PCCA: variants seen among roughly 807,000 people sequenced by gnomAD.
The protein encoded by PCCA is propionyl-CoA carboxylase alpha chain, mitochondrial.
PCCA carries 74 observed loss-of-function variants against 101.3 expected under a neutral mutation model. The observed-to-expected ratio is 0.73, with a 90% CI of 0.61 to 0.89. The LOEUF is 0.89. Among genes scored for constraint, PCCA ranks in the 40% least tolerant of loss-of-function variants. PCCA has a pLI of 0.00. For synonymous variants in PCCA, 294 were observed against 313.6 expected (o/e 0.94, Z 0.66); for missense variants, 891 against 907.0 (o/e 0.98, Z 0.23).
At chr13:100,280,281 A>G (rs2063988420) in intron 12 of PCCA, among the ~76,000 whole-genome samples, 1 of 144,142 alleles carries the variant, frequency 6.9e-6, no homozygotes, top group South Asian at 2.3e-4. Flanking sequence ...TAAAATTTAA[A>G]TGCTTTTGCA....
intron 21 of PCCA, among the ~76,000 whole-genome samples, chr13:100,512,766 A>G (rs945689923): frequency 2.0e-5 from 3 of 152,332 alleles, no homozygotes; most frequent in Admixed American, 6.5e-5. Flanking sequence ...TTTGTGATTT[A>G]TCTTCTTGAA....
At chr13:100,388,602 T>C (rs2760316) in intron 19 of PCCA, among the ~76,000 whole-genome samples, 149,342 of 152,346 alleles carry the variant, frequency 0.98, 73,240 homozygotes, top group Middle Eastern at 1. Context: ...TGGAGACCAA[T>C]CTGGCCAACA....
At chr13:100,419,856 G>A (rs2078633022) in intron 19 of PCCA, among the ~76,000 whole-genome samples, 1 of 152,196 alleles carries the variant, frequency 6.6e-6, no homozygotes, top group African/African-American at 2.4e-5. Context: ...GAGAGTAGGG[G>A]GCAGGGTTAT....
chr13:100,188,873 A>G (rs1237861876), intron 6 of PCCA, among the ~76,000 whole-genome samples: 2 of 148,836 alleles, frequency 1.3e-5, no homozygotes, highest in Non-Finnish European at 3.0e-5. Flanking sequence ...TTGTCTGTAC[A>G]TGTCCTTAGC....
chr13:100,302,111 A>T (rs1410838130), intron 13 of PCCA, among the ~76,000 whole-genome samples: 1 of 152,162 alleles, frequency 6.6e-6, no homozygotes, highest in African/African-American at 2.4e-5. Context: ...TAAAGCTTTT[A>T]GTAAAACATG....
At chr13:100,125,780 ATTATCT>A (rs777104589) in intron 4 of PCCA, among the ~76,000 whole-genome samples, 2 of 152,120 alleles carry the variant, frequency 1.3e-5, no homozygotes, top group Non-Finnish European at 2.9e-5. Context: ...AAGTGTTTTG[ATTATCT>A]TTGACTTGGC....
intron 4 of PCCA, among the ~76,000 whole-genome samples, chr13:100,122,146 G>T (rs2049466308): frequency 6.6e-6 from 1 of 152,094 alleles, no homozygotes; most frequent in African/African-American, 2.4e-5. Context: ...ATGGTGTATT[G>T]TTACATTAAT....
chr13:100,093,689 G>A (rs969600660), intron 1 of PCCA, among the ~76,000 whole-genome samples: 1 of 152,106 alleles, frequency 6.6e-6, no homozygotes, highest in African/African-American at 2.4e-5. Flanking sequence ...CAAAGTGGGA[G>A]GATTTCTTGA....
intron 8 of PCCA, among the ~76,000 whole-genome samples, chr13:100,244,935 G>GTT (rs1215805573): frequency 2.2e-5 from 2 of 91,694 alleles, no homozygotes; most frequent in South Asian, 9.3e-4. Context: ...AAGGCTGTGT[G>GTT]TGTGTGTGTG....
At chr13:100,206,173 A>G (rs1370341512) in intron 6 of PCCA, among the ~76,000 whole-genome samples, 3 of 152,178 alleles carry the variant, frequency 2.0e-5, no homozygotes, top group Admixed American at 6.6e-5. Context: ...CTTGTCTAGC[A>G]TCCTGCCACT....
At chr13:100,476,699 A>G (rs540822214) in intron 21 of PCCA, among the ~76,000 whole-genome samples, 1 of 152,350 alleles carries the variant, frequency 6.6e-6, no homozygotes, top group East Asian at 1.9e-4. Flanking sequence ...TGAATCACAA[A>G]TAAGCATCCA....
chr13:100,102,325 T>G (rs1184695870), intron 1 of PCCA, among the ~76,000 whole-genome samples: 1 of 152,150 alleles, frequency 6.6e-6, no homozygotes, highest in Admixed American at 6.6e-5. Flanking sequence ...TCTTAATGTT[T>G]TTAAGCATTA....
intron 16 of PCCA, among the ~76,000 whole-genome samples, chr13:100,314,074 T>C (rs1158712257): frequency 6.6e-6 from 1 of 152,150 alleles, no homozygotes; most frequent in East Asian, 1.9e-4. Context: ...ATTTGTAGAA[T>C]GTGGCACATT....
rs577758479 is a variant in PCCA at position 100,300,967 on chromosome 13, G to T, written c.1066-493G>T. Among the ~76,000 whole-genome samples the T allele has an allele frequency of 3.9e-5, 6 of 152,182 alleles. No individual in the cohort carries two copies. In the South Asian group the frequency reaches 1.2e-3, roughly 32 times the overall value. ...CTGCTCCCTTCTGCTACACTGCCTCGATGCAAGATTACACTAATCTGGCTG... is the reference window on the plus strand; with the variant it reads ...CTGCTCCCTTCTGCTACACTGCCTCTATGCAAGATTACACTAATCTGGCTG... On this transcript the variant is annotated intron_variant, in intron 12 of 23. Coordinates refer to ENST00000376285, the MANE Select transcript of PCCA (RefSeq NM_000282.4).
At chr13:100,503,720 A>G (rs1451574181) in intron 21 of PCCA, among the ~76,000 whole-genome samples, 2 of 152,098 alleles carry the variant, frequency 1.3e-5, no homozygotes, top group Non-Finnish European at 2.9e-5. Context: ...CCTGGGCAAC[A>G]TGGCAAAACT....
chr13:100,401,070 C>T (rs1399517760), intron 19 of PCCA, among the ~76,000 whole-genome samples: 1 of 152,094 alleles, frequency 6.6e-6, no homozygotes, highest in Non-Finnish European at 1.5e-5. Context: ...AAACCAAGAT[C>T]ATATTTCAGA....
At chr13:100,432,817 A>G (rs2079650286) in intron 20 of PCCA, among the ~76,000 whole-genome samples, 2 of 152,240 alleles carry the variant, frequency 1.3e-5, no homozygotes, top group South Asian at 2.1e-4. Context: ...GTTTCCATGC[A>G]TAGAAACCAC....
At chr13:100,291,918 CCA>C (rs1358814735) in intron 12 of PCCA, among the ~76,000 whole-genome samples, 1 of 152,194 alleles carries the variant, frequency 6.6e-6, no homozygotes, top group Non-Finnish European at 1.5e-5. Context: ...AAGCTAGTCT[CCA>C]GTTTTCGTTC....
At chr13:100,155,893 GTTTA>G (rs911982140) in intron 5 of PCCA, among the ~76,000 whole-genome samples, 6 of 152,186 alleles carry the variant, frequency 3.9e-5, no homozygotes, top group African/African-American at 1.4e-4. Context: ...GATGTTTACA[GTTTA>G]TTAGCACAGT....
Sources: gnomAD v4.1 joint callset for allele counts (sites outside exome capture counted in the v4.1 genomes callset) on GRCh38, gnomAD v4.1.1 for gene constraint, MANE v1.5 for transcripts, NCBI Gene and HGNC (gene_info 2026-07-23, HGNC 2026-07-21) for gene names.